The following SPRYD3 variants were observed in gnomAD, a reference collection of about 807,000 sequenced individuals.
The protein encoded by SPRYD3 is SPRY domain containing 3.
SPRYD3 carries 17 observed loss-of-function variants against 50.1 expected under a neutral mutation model. The observed-to-expected ratio is 0.34, with a 90% confidence interval of 0.23 to 0.51. The LOEUF is 0.51. Ranked by LOEUF, SPRYD3 falls within the 20% of genes least tolerant of loss-of-function variation. The probability of loss-of-function intolerance (pLI) is 0.97; values close to 1 mark genes in which losing one functional copy is unlikely to be tolerated. For synonymous variants in SPRYD3, 198 were observed against 215.5 expected, an observed-to-expected ratio of 0.92 and a Z score of 0.71; for missense variants, 401 against 591.2, an observed-to-expected ratio of 0.68 and a Z score of 3.34.
intron 7 of SPRYD3, among the ~76,000 whole-genome samples, chr12:53,067,914 G>A (rs1944521652): frequency 6.6e-6 from 1 of 152,130 alleles, no homozygotes. Flanking sequence ...GCCATGGCAT[G>A]TCCCACCCCC....
At position 53,074,726 on chromosome 12, in the gene SPRYD3, G is replaced by A. The variant is rs938277791; in HGVS notation, c.430C>T (p.Arg144Trp). ...QFGSKCNSGD[R>W]IGCGIEPVSF... ...ACAGGCTCAATGCCACAGCCAATCC[G>A]GTCCCCGGAGTTGCACTTTGACCCA... Residue 144 changes from arginine (R) to tryptophan (W), a missense_variant, in exon 5 of 11, where the codon CGG becomes TGG. Arg to Trp is a moderately radical substitution (Grantham distance 101). Transcript: ENST00000301463. The surrounding 1 kb of genome is among the most constrained non-coding windows in gnomAD (Gnocchi z 4.6). 5 of 1,614,256 alleles carry A rather than the reference G, an allele frequency of 3.1e-6. No individual in the cohort carries two copies. The highest frequency in any genetic ancestry group is 1.1e-5 in the South Asian group (1 of 91,086).
Position 53,075,876 on chromosome 12 carries a change from G to A in SPRYD3, c.171-65C>T, listed in dbSNP as rs974889157. ...GCCCAAGAGTAGGGGGAGGGCCTCA[G>A]CTTCTCCCACCCTTACCCTGCAAGG... On this transcript the variant is annotated intron_variant, in intron 2 of 10. Coordinates refer to ENST00000301463, the MANE Select transcript of SPRYD3 (RefSeq NM_032840.3). 3.1e-6 allele frequency: 4 copies of A among 1,308,698 alleles called. No homozygotes were observed. In the South Asian group the frequency reaches 3.6e-5, roughly 12 times the overall value. The allele number at this position is 1,308,698 out of a possible 1,614,324, so 81.1% of individuals were successfully genotyped here.
chr12:53,076,456 A>C (rs1041410528), intron 2 of SPRYD3, among the ~76,000 whole-genome samples: 1 of 152,206 alleles, frequency 6.6e-6, no homozygotes, highest in Non-Finnish European at 1.5e-5. Flanking sequence ...CAGGAAATCA[A>C]CTATCTCTGA....
At chr12:53,067,109 C>CAAA (rs146264495) in intron 8 of SPRYD3, among the ~76,000 whole-genome samples, 7 of 61,060 alleles carry the variant, frequency 1.1e-4, no homozygotes, top group Admixed American at 1.8e-4. Flanking sequence ...GACTCCATCT[C>CAAA]AAAAAAAAAA....
In SPRYD3 at chr12:53,066,446, C is replaced by G. The variant is rs3741433; in HGVS notation, c.1062G>C (p.Pro354=). 1.2e-6 allele frequency: 2 copies of G among 1,614,108 alleles called. No individual in the cohort carries two copies. The highest frequency in any genetic ancestry group is 2.2e-5 in the East Asian group (1 of 44,864). The change falls in exon 10 of 11, where the codon CCG becomes CCC. Residue 354 remains proline, a synonymous_variant. Coordinates refer to ENST00000301463, the MANE Select transcript of SPRYD3 (RefSeq NM_032840.3). The stretch of plus-strand genomic sequence containing the variant: ...GCACGTTCCGGACGGCCCGGGCAGT[C>G]GGAGACAGGATCACTGTGTCACAAC... The part of the protein sequence containing the change: ...DDSCDTVILS[P]TARAVRNVRN...
rs777877242 is a variant in SPRYD3 at position 53,077,174 on chromosome 12, G to T, written c.111C>A (p.Val37=). ...WRRRIREIRE[V]RAFRYQERFK... Reference sequence around the variant, plus strand: ...ACCTCTCCTGATATCGGAAAGCTCGGACCTCTCGAATCTCCCGGATCCGCC... The same window carrying T: ...ACCTCTCCTGATATCGGAAAGCTCGTACCTCTCGAATCTCCCGGATCCGCC... Residue 37 remains valine (V), a synonymous_variant, in exon 2 of 11, where the codon GTC becomes GTA. Coordinates refer to ENST00000301463, the MANE Select transcript of SPRYD3 (RefSeq NM_032840.3). The T allele has an allele frequency of 6.2e-7, 1 of 1,614,186 alleles. No individual in the cohort carries two copies. The highest frequency in any genetic ancestry group is 8.5e-7 in the Non-Finnish European group (1 of 1,180,022).
chr12:53,077,906 G>A (rs775104281), intron 1 of SPRYD3, among the ~76,000 whole-genome samples: 4 of 152,234 alleles, frequency 2.6e-5, no homozygotes, highest in Non-Finnish European at 4.4e-5. Context: ...GCCATGATTG[G>A]CTGGGTATGA....
Position 53,065,784 on chromosome 12 carries a change from C to A in SPRYD3, c.*48G>T. 3 of 1,583,234 alleles carry A rather than the reference C, an allele frequency of 1.9e-6. No individual in the cohort carries two copies. Among genetic ancestry groups the A allele is most frequent in the Non-Finnish European group, 2.6e-6 (3 of 1,161,314 alleles). On this transcript the variant is annotated 3_prime_UTR_variant, in exon 11 of 11. Transcript: ENST00000301463. ...GGGAAGTCAGGAACTGGGTGCCTGG[C>A]CCAGCAGAGGGTGAGCAGGGAGAAG...
rs1010143111 is a variant in SPRYD3 at position 53,074,810 on chromosome 12, G to A, written c.372-26C>T. On this transcript the variant is annotated intron_variant, in intron 4 of 10. Coordinates refer to ENST00000301463, the MANE Select transcript of SPRYD3 (RefSeq NM_032840.3). This position sits in a 1 kb window ranked among gnomAD's most constrained non-coding sequence, Gnocchi z 4.6. ...CTACAGACAGAGTAGTACAGACACA[G>A]GACCCGAGCCTGGCCTCCCAACTTC... 1.9e-6 allele frequency: 3 copies of A among 1,612,436 alleles called. No homozygotes were observed. Among genetic ancestry groups the A allele is most frequent in the Non-Finnish European group, 2.5e-6 (3 of 1,178,778 alleles).
chr12:53,068,422 G>T, intron 6 of SPRYD3, 118 bp from the exon 7 acceptor site: 1 of 1,226,524 alleles, frequency 8.2e-7, no homozygotes, highest in Non-Finnish European at 1.1e-6. Context: ...CTGGCTGAAA[G>T]GGAAAGAATC....
intron 6 of SPRYD3, among the ~76,000 whole-genome samples, chr12:53,071,237 C>G (rs1944547680): frequency 6.6e-6 from 1 of 152,168 alleles, no homozygotes; most frequent in South Asian, 2.1e-4. Flanking sequence ...TGGGGAGGAC[C>G]CCTGGGAGGG....
Position 53,073,271 on chromosome 12 carries a change from C to A in SPRYD3, c.693+15G>T. On this transcript the variant is annotated intron_variant, in intron 6 of 10. Coordinates refer to ENST00000301463, the MANE Select transcript of SPRYD3 (RefSeq NM_032840.3). ...CTCCGACCCAGCCCCTCCCACCCTC[C>A]CACCCGCTACTTACAGTCCCACAGA... 3.5e-6 allele frequency: 1 copy of A among 281,710 alleles called. No homozygotes were observed. Among genetic ancestry groups the A allele is most frequent in the South Asian group, 3.0e-5 (1 of 33,028 alleles). 17.5% of individuals were successfully genotyped at this position (281,710 alleles called of 1,614,324 possible). A position where few individuals can be genotyped will look rare whatever the true frequency, so the allele number is the denominator to read the frequency against.
chr12:53,075,327 A>G, intron 3 of SPRYD3, 108 bp from the exon 4 acceptor site: 1 of 1,192,072 alleles, frequency 8.4e-7, no homozygotes, highest in Non-Finnish European at 1.2e-6. Context: ...GCTCAAAAAG[A>G]AAAAGGACAT....
chr12:53,075,176 C>T lies in SPRYD3; in HGVS notation c.290G>A (p.Gly97Glu), dbSNP rs376469389. 2 of 1,613,406 alleles carry T rather than the reference C, an allele frequency of 1.2e-6. No homozygotes were observed. Among genetic ancestry groups the T allele is most frequent in the African/African-American group, 1.3e-5 (1 of 74,892 alleles). ...DSGVRGTIAV[G>E]LVPQYYSLDH... ...CAAGCTGTAGTACTGAGGGACCAGC[C>T]CCACAGCAATGGTGCCCCGGACTCC... Residue 97 changes from glycine to glutamate, a missense_variant, in exon 4 of 11, where the codon GGG becomes GAG. Transcript: ENST00000301463.
Position 53,067,707 on chromosome 12 carries a change from T to C in SPRYD3, c.844-2A>G. Reference sequence around the variant, plus strand: ...AGGGTGCCTGTTCTTGGGATAGTCCTGCACCAAGAAGAGAAAAGAAAATCT... The same window carrying C: ...AGGGTGCCTGTTCTTGGGATAGTCCCGCACCAAGAAGAGAAAAGAAAATCT... On this transcript the variant is annotated splice_acceptor_variant, in intron 7 of 10. Transcript: ENST00000301463. LOFTEE classifies it high-confidence loss of function. 1 of 1,613,840 alleles carries C rather than the reference T, an allele frequency of 6.2e-7. No individual in the cohort carries two copies. The highest frequency in any genetic ancestry group is 8.5e-7 in the Non-Finnish European group (1 of 1,179,800).
intron 8 of SPRYD3, among the ~76,000 whole-genome samples, chr12:53,067,109 CAA>C (rs146264495): frequency 9.9e-3 from 602 of 61,054 alleles, no homozygotes; most frequent in African/African-American, 0.029. Flanking sequence ...GACTCCATCT[CAA>C]AAAAAAAAAA....
intron 6 of SPRYD3, among the ~76,000 whole-genome samples, chr12:53,072,672 C>T (rs1199628473): frequency 1.3e-5 from 2 of 152,214 alleles, no homozygotes; most frequent in Non-Finnish European, 2.9e-5. Flanking sequence ...TTCTCAAGCT[C>T]CACACGCTTC....
rs1439368873 is a variant in SPRYD3 at position 53,064,648 on chromosome 12, G to A, written c.*1184C>T. On this transcript the variant is annotated 3_prime_UTR_variant, in exon 11 of 11. Transcript: ENST00000301463. The stretch of plus-strand genomic sequence containing the variant: ...TCGGCTGTATAAACATCTCTGGTCT[G>A]TACATACATTTCATACATCGTAGGG... 6.6e-6 allele frequency: 1 copy of A among 152,662 alleles called. No individual in the cohort carries two copies. Among genetic ancestry groups the A allele is most frequent in the East Asian group, 1.9e-4 (1 of 5,172 alleles). 9.5% of individuals were successfully genotyped at this position (152,662 alleles called of 1,614,324 possible). A position where few individuals can be genotyped will look rare whatever the true frequency, so the allele number is the denominator to read the frequency against.
intron 8 of SPRYD3, among the ~76,000 whole-genome samples, chr12:53,066,941 C>G (rs1359295363): frequency 6.6e-6 from 1 of 152,056 alleles, no homozygotes; most frequent in East Asian, 1.9e-4. Context: ...GGCGAAACAT[C>G]TCTACTAAAA....
Sources: gnomAD v4.1 joint callset for allele counts (sites outside exome capture counted in the v4.1 genomes callset) on GRCh38, gnomAD v4.1.1 for gene constraint, Gnocchi (gnomAD v3.1) non-coding constraint, MANE v1.5 for transcripts, NCBI Gene and HGNC (gene_info 2026-07-23, HGNC 2026-07-21) for gene names.